Variants in ADAMTSL3 observed in about 807,000 individuals in gnomAD.
ADAMTSL3 encodes ADAMTS like 3.
Under a neutral mutation model 201.7 loss-of-function variants are expected in ADAMTSL3, and 128 were observed. The observed-to-expected ratio is 0.63, with a 90% CI of 0.55 to 0.73. The LOEUF (loss-of-function observed/expected upper bound fraction) is 0.73. ADAMTSL3 is among the 30% of genes least tolerant of loss of function. The pLI, the probability that ADAMTSL3 is intolerant of heterozygous loss-of-function variation, is 0.00. For missense variants in ADAMTSL3, 1,990 were observed against 2,119.6 expected, an observed-to-expected ratio of 0.94 and a Z score of 1.20; for synonymous variants, 738 against 748.4, an observed-to-expected ratio of 0.99 and a Z score of 0.23.
At chr15:83,736,183 C>G (rs2062366849) in intron 3 of ADAMTSL3, among the ~76,000 whole-genome samples, 1 of 152,158 alleles carries the variant, frequency 6.6e-6, no homozygotes, top group Non-Finnish European at 1.5e-5. Context: ...CTGGATTTTT[C>G]TGTTAATTCT....
intron 8 of ADAMTSL3, among the ~76,000 whole-genome samples, chr15:83,868,700 A>G (rs2065024549): frequency 6.6e-6 from 1 of 152,206 alleles, no homozygotes; most frequent in Non-Finnish European, 1.5e-5. Context: ...ACTCAAATTA[A>G]AAATATTTTA....
rs114096813 is a variant in ADAMTSL3, at chr15:83,795,747, A to G, written c.318-8903A>G. Among the ~76,000 whole-genome samples, 418 of 152,320 alleles carry G rather than the reference A, an allele frequency of 2.7e-3. 2 individuals are homozygous for G. The highest frequency in any genetic ancestry group is 9.6e-3 in the African/African-American group (399 of 41,576). On this transcript the variant is annotated intron_variant, in intron 4 of 29. Coordinates refer to ENST00000286744, the MANE Select transcript of ADAMTSL3 (RefSeq NM_207517.3). The stretch of plus-strand genomic sequence containing the variant: ...ACATATATCCTATATGATTGTGGAA[A>G]CATTTACGTGGGAAATTAATATGAA...
intron 23 of ADAMTSL3, among the ~76,000 whole-genome samples, chr15:84,004,785 G>A (rs531670537): frequency 1.3e-5 from 2 of 152,318 alleles, no homozygotes; most frequent in South Asian, 4.1e-4. Context: ...TTTGAGATGC[G>A]TCTTTAAGAA....
chr15:83,701,397 C>T (rs1289889392), intron 2 of ADAMTSL3, among the ~76,000 whole-genome samples: 2 of 152,090 alleles, frequency 1.3e-5, no homozygotes, highest in Admixed American at 1.3e-4. Flanking sequence ...GCCATATTCC[C>T]CTAAAGAGGG....
At chr15:84,019,588 T>C (rs942740935) in intron 25 of ADAMTSL3, among the ~76,000 whole-genome samples, 5 of 152,064 alleles carry the variant, frequency 3.3e-5, no homozygotes, top group Non-Finnish European at 7.4e-5. Flanking sequence ...AAAAACCTTA[T>C]GCTAAGCAAC....
intron 21 of ADAMTSL3, among the ~76,000 whole-genome samples, chr15:83,986,238 A>G (rs1042481477): frequency 2.0e-5 from 3 of 152,192 alleles, no homozygotes; most frequent in African/African-American, 7.2e-5. Flanking sequence ...AATTGTAAGG[A>G]AAGAGAGGCT....
chr15:83,867,896 C>T (rs1306959569), intron 8 of ADAMTSL3, among the ~76,000 whole-genome samples: 2 of 152,168 alleles, frequency 1.3e-5, no homozygotes, highest in East Asian at 3.8e-4. Context: ...ATTTCTTTTA[C>T]AAATAACTAG....
chr15:83,867,096 G>A (rs1016341766), intron 8 of ADAMTSL3, among the ~76,000 whole-genome samples: 1 of 152,048 alleles, frequency 6.6e-6, no homozygotes, highest in East Asian at 1.9e-4. Context: ...TTTTTTCTTA[G>A]TTTTTATTTG....
chr15:84,037,643 T>G, intron 29 of ADAMTSL3, 57 bp from the exon 30 acceptor site: 6 of 1,488,856 alleles, frequency 4.0e-6, no homozygotes, highest in Non-Finnish European at 5.4e-6. Flanking sequence ...AGTCAAATAA[T>G]TTTTAATTAG....
chr15:83,919,997 A>G (rs2066106976), intron 16 of ADAMTSL3, among the ~76,000 whole-genome samples: 2 of 152,164 alleles, frequency 1.3e-5, no homozygotes, highest in Non-Finnish European at 2.9e-5. Flanking sequence ...TAGGTGAATG[A>G]CAGATGTTTG....
chr15:83,740,849 G>C, intron 3 of ADAMTSL3, among the ~76,000 whole-genome samples: 1 of 152,036 alleles, frequency 6.6e-6, no homozygotes, highest in Non-Finnish European at 1.5e-5. Context: ...TATAACAATT[G>C]AATATTTAGA....
chr15:83,946,765 T>C (rs1288165317), intron 19 of ADAMTSL3, among the ~76,000 whole-genome samples: 1 of 152,226 alleles, frequency 6.6e-6, no homozygotes, highest in Non-Finnish European at 1.5e-5. Flanking sequence ...AGGCTACCCA[T>C]GTGAGCTGGT....
At chr15:83,728,289 GTCTT>G (rs1218807311) in intron 3 of ADAMTSL3, among the ~76,000 whole-genome samples, 3 of 150,750 alleles carry the variant, frequency 2.0e-5, no homozygotes, top group African/African-American at 7.3e-5. Flanking sequence ...ACATCATTGA[GTCTT>G]TTTTTTTTAT....
chr15:83,831,069 T>G (rs2064145749), intron 6 of ADAMTSL3, among the ~76,000 whole-genome samples: 1 of 152,202 alleles, frequency 6.6e-6, no homozygotes, highest in Non-Finnish European at 1.5e-5. Context: ...GGACAGATTT[T>G]TGTGCCAATG....
chr15:83,820,454 T>A (rs938944193), intron 6 of ADAMTSL3, among the ~76,000 whole-genome samples: 1 of 152,136 alleles, frequency 6.6e-6, no homozygotes, highest in East Asian at 1.9e-4. Context: ...GTTGGGCTCA[T>A]CCCCCGGAGT....
chr15:83,739,876 G>T (rs956944884), intron 3 of ADAMTSL3: 7 of 600,986 alleles, frequency 1.2e-5, no homozygotes, highest in South Asian at 8.3e-5. Context: ...ACAGCATCCT[G>T]CCTGACGACC....
chr15:83,898,317 G>C (rs538138800), intron 14 of ADAMTSL3, among the ~76,000 whole-genome samples: 1 of 151,780 alleles, frequency 6.6e-6, no homozygotes, highest in Non-Finnish European at 1.5e-5. Context: ...GAAGAATGGC[G>C]GGGGAGAGAT....
chr15:83,970,625 C>G lies in ADAMTSL3; in HGVS notation c.2632C>G (p.Pro878Ala). 1 of 1,614,170 alleles carries G rather than the reference C, an allele frequency of 6.2e-7. No individual in the cohort carries two copies. Among genetic ancestry groups the G allele is most frequent in the Non-Finnish European group, 8.5e-7 (1 of 1,180,030 alleles). Residue 878 changes from proline (P) to alanine (A), a missense_variant, in exon 20 of 30, where the codon CCT becomes GCT. Transcript: ENST00000286744. ...CCCTCTTGTAAGATCTTGCCAGATG[C>G]CTGAGTGCAGTAGTAAGTATGCGGT... ...GLPLVRSCQM[P>A]ECSKIKSEMK...
At chr15:83,871,098 G>A (rs977989203) in intron 9 of ADAMTSL3, 139 bp downstream of exon 9, 53 of 999,936 alleles carry the variant, frequency 5.3e-5, no homozygotes, top group Non-Finnish European at 6.9e-5. Context: ...TTCCATCTTG[G>A]CAGTCCATTC....
Sources: allele counts gnomAD v4.1 joint callset (sites outside exome capture counted in the v4.1 genomes callset), GRCh38; gene constraint gnomAD v4.1.1; transcripts MANE v1.5; gene names NCBI Gene and HGNC (gene_info 2026-07-23, HGNC 2026-07-21).